YEATS2: variants seen among roughly 807,000 people sequenced by gnomAD.
The protein encoded by YEATS2 is YEATS domain-containing protein 2.
YEATS2 carries 77 observed loss-of-function variants against 163.2 expected under a neutral mutation model. The observed-to-expected ratio is 0.47, with a 90% confidence interval of 0.39 to 0.57. YEATS2 has a LOEUF of 0.57. YEATS2 is among the 20% of genes least tolerant of loss of function. YEATS2 has a pLI of 0.00. For synonymous variants in YEATS2, 631 were observed against 645.1 expected (o/e 0.98, Z 0.33); for missense variants, 1,549 against 1,729.8 (o/e 0.90, Z 1.85).
chr3:183,761,476 G>A (rs1721341260), intron 13 of YEATS2, 31 bp from the exon 14 acceptor site: 3 of 1,575,730 alleles, frequency 1.9e-6, no homozygotes, highest in Non-Finnish European at 2.6e-6. Context: ...CATTTCTCCT[G>A]ATTGTAAAAT....
chr3:183,703,725 A>G (rs1309963639), intron 1 of YEATS2, among the ~76,000 whole-genome samples: 1 of 152,076 alleles, frequency 6.6e-6, no homozygotes, highest in Non-Finnish European at 1.5e-5. Context: ...AAATGGATAT[A>G]TATTCTTAGA....
rs1202374023 is a variant in YEATS2 at position 183,762,169 on chromosome 3, C to G, written c.1837C>G (p.Pro613Ala). Residue 613 changes from proline (P) to alanine (A), a missense_variant, in exon 15 of 31, where the codon CCG becomes GCG. Coordinates refer to ENST00000305135, the MANE Select transcript of YEATS2 (RefSeq NM_018023.5). ...AGGAGCTGCCAGCCAGTCACCACTC[C>G]CGCAGTATGTGACTGTGAAAGGGGG... ...ATGAASQSPL[P>A]QYVTVKGGHM... 6.2e-7 allele frequency: 1 copy of G among 1,614,166 alleles called. No individual in the cohort carries two copies. The highest frequency in any genetic ancestry group is 1.3e-5 in the African/African-American group (1 of 75,038).
rs1720785507 is a variant in YEATS2 at position 183,756,548 on chromosome 3, A to G, written c.1411A>G (p.Ser471Gly). 6.3e-7 allele frequency: 1 copy of G among 1,585,200 alleles called. No individual in the cohort carries two copies. Among genetic ancestry groups the G allele is most frequent in the Admixed American group, 1.8e-5 (1 of 54,480 alleles). Residue 471 changes from serine to glycine, a missense_variant, in exon 12 of 31, where the codon AGC becomes GGC. Physicochemically the swap from Ser to Gly is moderately conservative, Grantham distance 56. Coordinates refer to ENST00000305135, the MANE Select transcript of YEATS2 (RefSeq NM_018023.5). ...ATAAGGTTCCCCAATATCAACTCCA[A>G]GCCCATCACCATTGCCTCGAACCCC... ...IVSGSPISTPSPSPLPRTPTS... is the reference protein window; with the variant it reads ...IVSGSPISTPGPSPLPRTPTS...
chr3:183,792,249 A>C lies in YEATS2; in HGVS notation c.3097+1269A>C, dbSNP rs188572226. 6.6e-5 allele frequency among the ~76,000 whole-genome samples: 10 copies of C among 152,254 alleles called. No individual in the cohort carries two copies. The East Asian group carries it at 1.9e-3, about 29-fold the overall frequency. On this transcript the variant is annotated intron_variant, in intron 21 of 30. Transcript: ENST00000305135. ...CCTGTCAACCCATCATCTAGGTTTT[A>C]AGCCCCACATGCATTAGGTATTTGT...
intron 13 of YEATS2, among the ~76,000 whole-genome samples, chr3:183,759,481 C>CA (rs1428700834): frequency 6.6e-6 from 1 of 152,198 alleles, no homozygotes; most frequent in African/African-American, 2.4e-5. Flanking sequence ...CCCTTTTGGA[C>CA]ACCTCTCTCT....
intron 5 of YEATS2, among the ~76,000 whole-genome samples, chr3:183,722,570 T>C (rs757850612): frequency 1.3e-5 from 2 of 152,144 alleles, no homozygotes; most frequent in Non-Finnish European, 2.9e-5. Context: ...ATTATAGGCG[T>C]GAGCCACTGC....
At chr3:183,700,563 T>G (rs184733021) in intron 1 of YEATS2, among the ~76,000 whole-genome samples, 1 of 151,918 alleles carries the variant, frequency 6.6e-6, no homozygotes, top group Admixed American at 6.6e-5. Flanking sequence ...ACAAGACTTG[T>G]GAAGCAGATT....
Position 183,789,474 on chromosome 3 carries a change from A to G in YEATS2, c.2914-1323A>G, listed in dbSNP as rs1421200812. ...AAAATTCAAGCCTTTGTTTTCTTCTAAGTTTTATACATTTAGCTCTTATAT... is the reference window on the plus strand; with the variant it reads ...AAAATTCAAGCCTTTGTTTTCTTCTGAGTTTTATACATTTAGCTCTTATAT... On this transcript the variant is annotated intron_variant, in intron 20 of 30. Coordinates refer to ENST00000305135, the MANE Select transcript of YEATS2 (RefSeq NM_018023.5). Among the ~76,000 whole-genome samples, 3 of 147,362 alleles carry G rather than the reference A, an allele frequency of 2.0e-5. No individual in the cohort carries two copies. In the Admixed American group the frequency reaches 2.0e-4, roughly 10 times the overall value.
intron 21 of YEATS2, among the ~76,000 whole-genome samples, chr3:183,796,638 T>C (rs993675432): frequency 1.3e-5 from 2 of 151,072 alleles, no homozygotes; most frequent in Non-Finnish European, 1.5e-5. Context: ...CCTGAATGCT[T>C]GAAGCTAATT....
In YEATS2 at chr3:183,784,234, T is replaced by C. The variant is rs115188344; in HGVS notation, c.2737-1891T>C. On this transcript the variant is annotated intron_variant, in intron 19 of 30. Coordinates refer to ENST00000305135, the MANE Select transcript of YEATS2 (RefSeq NM_018023.5). ...TCTCCAAACTGCCTTCCACGGTGGC[T>C]GACCTAACTTACATTCCCACCCACA... is the stretch of plus-strand genomic sequence containing the variant. Among the ~76,000 whole-genome samples the C allele has an allele frequency of 1.5e-3, 231 of 152,318 alleles. 1 individual carries two copies. The highest frequency in any genetic ancestry group is 5.5e-3 in the African/African-American group (227 of 41,576).
At chr3:183,708,897 C>T (rs1283168962) in intron 1 of YEATS2, among the ~76,000 whole-genome samples, 1 of 151,978 alleles carries the variant, frequency 6.6e-6, no homozygotes, top group African/African-American at 2.4e-5. Context: ...CGCGGTGGCT[C>T]ACACTTGTAA....
chr3:183,778,462 A>G (rs1021870913), intron 19 of YEATS2, among the ~76,000 whole-genome samples: 2 of 152,208 alleles, frequency 1.3e-5, no homozygotes, highest in African/African-American at 2.4e-5. Context: ...AGTTTCAGCT[A>G]TAGTATCCAG....
chr3:183,737,641 G>A (rs1718485821), intron 8 of YEATS2, among the ~76,000 whole-genome samples: 1 of 152,188 alleles, frequency 6.6e-6, no homozygotes, highest in African/African-American at 2.4e-5. Context: ...AAATGAACGT[G>A]TTTTGGAAAT....
At chr3:183,736,978 C>T (rs262978) in intron 8 of YEATS2, 149 bp downstream of exon 8, 247,695 of 555,426 alleles carry the variant, frequency 0.45, 58,282 homozygotes, top group East Asian at 0.67. Flanking sequence ...TATTAATAGC[C>T]TACTGTTGAC....
intron 8 of YEATS2, among the ~76,000 whole-genome samples, chr3:183,743,486 C>T (rs1355483455): frequency 6.6e-6 from 1 of 152,012 alleles, no homozygotes; most frequent in Non-Finnish European, 1.5e-5. Context: ...ACCACAAGCG[C>T]ATGCCACTAC....
At position 183,749,984 on chromosome 3, in the gene YEATS2, A is replaced by AT. The variant is rs879853784; in HGVS notation, c.970-2076dup. ...AGGCACCTGCCACCACGCCCGGCTA[A>AT]TTTTTTTTTTTTTGTATTTTTAGTA... On this transcript the variant is annotated intron_variant, in intron 9 of 30. Transcript: ENST00000305135. Among the ~76,000 whole-genome samples the AT allele has an allele frequency of 8.9e-3, 1,288 of 145,004 alleles. 13 individuals are homozygous for AT. The highest frequency in any genetic ancestry group is 0.028 in the African/African-American group (1,114 of 39,742).
chr3:183,783,234 A>G (rs768648104), intron 19 of YEATS2, among the ~76,000 whole-genome samples: 5 of 152,348 alleles, frequency 3.3e-5, no homozygotes, highest in Non-Finnish European at 5.9e-5. Flanking sequence ...ATGACATAAG[A>G]TATGTACAAG....
intron 1 of YEATS2, among the ~76,000 whole-genome samples, chr3:183,712,223 T>TGTTATGTTATGTTATGTTATGTTACA (rs1577037882): frequency 1.3e-5 from 2 of 150,230 alleles, no homozygotes; most frequent in African/African-American, 5.0e-5. Context: ...TTTTATTTTA[T>TGTTATGTTATGTTATGTTATGTTACA]TTTTTGAGAC....
At chr3:183,749,443 C>T (rs964676562) in intron 9 of YEATS2, among the ~76,000 whole-genome samples, 4 of 152,082 alleles carry the variant, frequency 2.6e-5, no homozygotes, top group African/African-American at 9.7e-5. Flanking sequence ...ACCCACTCCT[C>T]CCGCCCCCCC....
Sources: allele counts gnomAD v4.1 joint callset (sites outside exome capture counted in the v4.1 genomes callset), GRCh38; gene constraint gnomAD v4.1.1; transcripts MANE v1.5; gene names NCBI Gene and HGNC (gene_info 2026-07-23, HGNC 2026-07-21).